The following MAGI3 variants were observed in gnomAD, a reference collection of about 807,000 sequenced individuals.
MAGI3 encodes the protein membrane associated guanylate kinase, WW and PDZ domain containing 3, also known as membrane-associated guanylate kinase, WW and PDZ domain-containing protein 3.
MAGI3 carries 43 observed loss-of-function variants against 121.8 expected under a neutral mutation model. That is an observed-to-expected ratio of 0.35 (90% CI 0.28 to 0.46). The LOEUF is 0.46. Ranked by LOEUF, MAGI3 falls within the 20% of genes least tolerant of loss-of-function variation. MAGI3 has a pLI of 1.00. For synonymous variants in MAGI3, 553 were observed against 639.3 expected, an observed-to-expected ratio of 0.86 and a Z score of 2.04; for missense variants, 1,547 against 1,797.3, an observed-to-expected ratio of 0.86 and a Z score of 2.52.
At chr1:113,667,796 A>C (rs1182136170) in intron 16 of MAGI3, among the ~76,000 whole-genome samples, 1 of 152,196 alleles carries the variant, frequency 6.6e-6, no homozygotes, top group African/African-American at 2.4e-5. Context: ...TCACTTGAAT[A>C]CATAGAGGTC....
At chr1:113,468,618 T>C (rs1434381081) in intron 1 of MAGI3, among the ~76,000 whole-genome samples, 12 of 152,124 alleles carry the variant, frequency 7.9e-5, no homozygotes, top group Admixed American at 5.9e-4. Context: ...AGCATCTGCA[T>C]TGAGATATGC....
intron 1 of MAGI3, among the ~76,000 whole-genome samples, chr1:113,535,670 G>A (rs1428596658): frequency 1.3e-5 from 2 of 152,102 alleles, no homozygotes; most frequent in African/African-American, 4.8e-5. Flanking sequence ...GAAACGTTGT[G>A]CAACTGTATG....
chr1:113,461,850 C>G (rs1655052403), intron 1 of MAGI3, among the ~76,000 whole-genome samples: 1 of 151,594 alleles, frequency 6.6e-6, no homozygotes, highest in Non-Finnish European at 1.5e-5. Context: ...TATTCAGCAT[C>G]TATAAAGAAC....
chr1:113,581,279 T>A (rs1246313581), intron 3 of MAGI3, among the ~76,000 whole-genome samples: 1 of 152,076 alleles, frequency 6.6e-6, no homozygotes, highest in Non-Finnish European at 1.5e-5. Context: ...TTTTTCATAC[T>A]ATTATAATTG....
At chr1:113,645,350 T>A (rs1401594058) in intron 11 of MAGI3, among the ~76,000 whole-genome samples, 1 of 152,156 alleles carries the variant, frequency 6.6e-6, no homozygotes, top group Non-Finnish European at 1.5e-5. Flanking sequence ...ATTGACTGCT[T>A]ATACTACTTG....
At chr1:113,526,958 C>G (rs1218787477) in intron 1 of MAGI3, among the ~76,000 whole-genome samples, 1 of 152,122 alleles carries the variant, frequency 6.6e-6, no homozygotes, top group Non-Finnish European at 1.5e-5. Context: ...TATTAAACCT[C>G]CCTATGCCTC....
intron 1 of MAGI3, among the ~76,000 whole-genome samples, chr1:113,477,854 T>C (rs1313797684): frequency 6.6e-6 from 1 of 152,194 alleles, no homozygotes; most frequent in Non-Finnish European, 1.5e-5. Flanking sequence ...CCCATCACTT[T>C]CAGGTACACC....
At chr1:113,437,851 CTTCTTCTTCTTCCTCTTCTT>C (rs1557756964) in intron 1 of MAGI3, among the ~76,000 whole-genome samples, 6 of 56,234 alleles carry the variant, frequency 1.1e-4, no homozygotes, top group African/African-American at 4.8e-4. Flanking sequence ...TCTTCTTCTT[CTTCTTCTTCTTCCTCTTCTT>C]CTTCTTCTCC....
chr1:113,613,060 T>TACA, intron 6 of MAGI3, among the ~76,000 whole-genome samples: 1 of 152,292 alleles, frequency 6.6e-6, no homozygotes, highest in African/African-American at 2.4e-5. Context: ...CCATAACTGT[T>TACA]ATAGTGCAGT....
In MAGI3 at chr1:113,685,268, A is replaced by G. The variant is rs1648476858; in HGVS notation, c.*1254A>G. 1 of 151,072 alleles carries G rather than the reference A, an allele frequency of 6.6e-6. No individual in the cohort carries two copies. The highest frequency in any genetic ancestry group is 2.5e-5 in the African/African-American group (1 of 40,226). 9.4% of individuals were successfully genotyped at this position (151,072 alleles called of 1,614,324 possible). A position where few individuals can be genotyped will look rare whatever the true frequency, so the allele number is the denominator to read the frequency against. ...TTCTTAGAAGTTGGAGACTGTTAAC[A>G]ACTTCCATAAAATAGATCCAGGTTT... On this transcript the variant is annotated 3_prime_UTR_variant, in exon 21 of 21. Coordinates refer to ENST00000307546, the MANE Select transcript of MAGI3 (RefSeq NM_001142782.2).
chr1:113,615,945 C>A (rs923780884), intron 7 of MAGI3, among the ~76,000 whole-genome samples: 6 of 151,972 alleles, frequency 3.9e-5, no homozygotes, highest in African/African-American at 1.5e-4. Context: ...TTTTCTTCCC[C>A]TCAAAGTTTA....
intron 1 of MAGI3, among the ~76,000 whole-genome samples, chr1:113,448,713 A>G (rs1191485603): frequency 6.6e-6 from 1 of 152,094 alleles, no homozygotes; most frequent in Non-Finnish European, 1.5e-5. Flanking sequence ...GGCTGAGCTC[A>G]AGCTATCCTC....
chr1:113,644,411 G>A (rs1445028498), intron 11 of MAGI3, among the ~76,000 whole-genome samples: 1 of 152,140 alleles, frequency 6.6e-6, no homozygotes, highest in Non-Finnish European at 1.5e-5. Context: ...CTCCCAAGTA[G>A]CTGGGACTAC....
chr1:113,447,358 G>T (rs930665423), intron 1 of MAGI3, among the ~76,000 whole-genome samples: 1 of 152,100 alleles, frequency 6.6e-6, no homozygotes, highest in Non-Finnish European at 1.5e-5. Flanking sequence ...AAAGGAAAGG[G>T]GATCAAATTC....
intron 2 of MAGI3, among the ~76,000 whole-genome samples, chr1:113,560,551 G>C (rs1660191602): frequency 6.6e-6 from 1 of 152,146 alleles, no homozygotes; most frequent in Non-Finnish European, 1.5e-5. Context: ...CAGAAATCAA[G>C]AAGTTCTTTG....
At chr1:113,411,916 G>A (rs774333040) in intron 1 of MAGI3, among the ~76,000 whole-genome samples, 2 of 151,998 alleles carry the variant, frequency 1.3e-5, no homozygotes, top group South Asian at 2.1e-4. Context: ...GGGTGCATGT[G>A]CACAATGTGC....
chr1:113,572,246 A>G (rs190494200), intron 2 of MAGI3, among the ~76,000 whole-genome samples: 70 of 152,346 alleles, frequency 4.6e-4, no homozygotes, highest in Admixed American at 4.5e-3. Context: ...CATGAAGCCA[A>G]CTGGATCGTG....
chr1:113,444,684 A>G (rs559288329), intron 1 of MAGI3, among the ~76,000 whole-genome samples: 10 of 152,326 alleles, frequency 6.6e-5, no homozygotes, highest in African/African-American at 1.9e-4. Context: ...CTAGTTTTCA[A>G]CATAAAAATG....
intron 6 of MAGI3, among the ~76,000 whole-genome samples, chr1:113,600,521 T>TGC (rs1649301281): frequency 6.6e-6 from 1 of 152,082 alleles, no homozygotes; most frequent in African/African-American, 2.4e-5. Context: ...ACAAGGGACA[T>TGC]GAAGGACCTC....
Sources: gnomAD v4.1 joint callset for allele counts (sites outside exome capture counted in the v4.1 genomes callset) on GRCh38, gnomAD v4.1.1 for gene constraint, MANE v1.5 for transcripts, NCBI Gene and HGNC (gene_info 2026-07-23, HGNC 2026-07-21) for gene names.